Variants in BLMH observed in about 807,000 individuals in gnomAD.
BLMH encodes bleomycin hydrolase, also known as BLM hydrolase.
A neutral mutation model predicts 61.6 loss-of-function variants in BLMH; 32 were observed. The ratio of observed to expected loss-of-function variants is 0.52; its 90% CI spans 0.39 to 0.70. The LOEUF (loss-of-function observed/expected upper bound fraction) is 0.70, where lower values mean the gene tolerates loss of function less well. Ranked by LOEUF, BLMH falls within the 30% of genes least tolerant of loss-of-function variation. The pLI is 0.00. For missense variants in BLMH, 460 were observed against 555.5 expected, an observed-to-expected ratio of 0.83 and a Z score of 1.73; for synonymous variants, 183 against 193.8, an observed-to-expected ratio of 0.94 and a Z score of 0.46.
At chr17:30,265,091 T>C (rs1391576521) in intron 11 of BLMH, among the ~76,000 whole-genome samples, 1 of 152,072 alleles carries the variant, frequency 6.6e-6, no homozygotes, top group Non-Finnish European at 1.5e-5. Context: ...TCACAGAAGG[T>C]AGACATGTAA....
intron 6 of BLMH, among the ~76,000 whole-genome samples, chr17:30,284,484 A>G: frequency 6.6e-6 from 1 of 152,242 alleles, no homozygotes; most frequent in East Asian, 1.9e-4. Context: ...ACAGTCTTGA[A>G]AGGAAGCCTA....
chr17:30,285,296 T>A (rs563488306), intron 6 of BLMH, 92 bp downstream of exon 6: 8 of 870,182 alleles, frequency 9.2e-6, no homozygotes, highest in Non-Finnish European at 1.4e-5. Context: ...TTCGTTGCCA[T>A]GACTAAAGCT....
chr17:30,275,574 T>C (rs948811119), intron 6 of BLMH, among the ~76,000 whole-genome samples: 8 of 151,594 alleles, frequency 5.3e-5, no homozygotes, highest in Non-Finnish European at 1.0e-4. Flanking sequence ...TAATCCCAGC[T>C]ACTCGGGAGG....
chr17:30,262,703 G>A (rs1056402592), intron 11 of BLMH, among the ~76,000 whole-genome samples: 4 of 152,204 alleles, frequency 2.6e-5, no homozygotes, highest in Non-Finnish European at 4.4e-5. Flanking sequence ...GCTGAGGCAG[G>A]AGAATGGCGT....
intron 6 of BLMH, among the ~76,000 whole-genome samples, chr17:30,276,118 A>C (rs1908417869): frequency 6.6e-6 from 1 of 151,794 alleles, no homozygotes; most frequent in Admixed American, 6.6e-5. Context: ...CCACAATCTA[A>C]ACTGAGGTCA....
intron 6 of BLMH, among the ~76,000 whole-genome samples, chr17:30,279,542 A>C (rs571533460): frequency 6.6e-6 from 1 of 152,324 alleles, no homozygotes; most frequent in African/African-American, 2.4e-5. Context: ...TCCAAGCCCT[A>C]TTTCCAGTTT....
In BLMH at chr17:30,266,981, A is replaced by G. The variant is rs756203842; in HGVS notation, c.1147-27T>C. On this transcript the variant is annotated intron_variant, in intron 10 of 11. Coordinates refer to ENST00000261714, the MANE Select transcript of BLMH (RefSeq NM_000386.4). ...TGCAAAAAAGTGGATGATGGTGAGT[A>G]GTCTGAAGCCAGATTCTCCCTGCTG... 6.2e-6 allele frequency: 10 copies of G among 1,607,450 alleles called. No homozygotes were observed. In the South Asian group the frequency reaches 1.1e-4, roughly 18 times the overall value.
chr17:30,267,081 TACAGGCAGCCTGCTCTAA>T, intron 10 of BLMH, 127 bp from the exon 11 acceptor site: 1 of 698,476 alleles, frequency 1.4e-6, no homozygotes. Context: ...GCCTGCTCTA[TACAGGCAGCCTGCTCTAA>T]ACAGTACTTG....
intron 11 of BLMH, among the ~76,000 whole-genome samples, chr17:30,258,611 G>A (rs1002768955): frequency 4.6e-5 from 7 of 152,246 alleles, no homozygotes; most frequent in Admixed American, 3.3e-4. Context: ...CCTCTACTAA[G>A]GAGCCCAGAA....
chr17:30,262,215 T>C (rs550870372), intron 11 of BLMH, among the ~76,000 whole-genome samples: 1 of 152,362 alleles, frequency 6.6e-6, no homozygotes, highest in African/African-American at 2.4e-5. Context: ...TTAAGAACTA[T>C]ATTATGATAA....
intron 10 of BLMH, among the ~76,000 whole-genome samples, chr17:30,268,539 T>C (rs1292506680): frequency 6.6e-6 from 1 of 152,060 alleles, no homozygotes; most frequent in Non-Finnish European, 1.5e-5. Flanking sequence ...CATTAGCATG[T>C]AAGGTAGCTC....
At position 30,281,505 on chromosome 17, in the gene BLMH, T is replaced by C. The variant is rs930070963; in HGVS notation, c.645+3883A>G. On this transcript the variant is annotated intron_variant, in intron 6 of 11. Coordinates refer to ENST00000261714, the MANE Select transcript of BLMH (RefSeq NM_000386.4). ...CTCATTCACACCTGCTACCCTTTTCTACACATTGGTTCCCTCACACTGCCC... is the reference window on the plus strand; with the variant it reads ...CTCATTCACACCTGCTACCCTTTTCCACACATTGGTTCCCTCACACTGCCC... 2.4e-4 allele frequency among the ~76,000 whole-genome samples: 37 copies of C among 152,320 alleles called. 5 individuals carry two copies. The highest frequency in any genetic ancestry group is 1.5e-3 in the Admixed American group (23 of 15,288).
intron 11 of BLMH, among the ~76,000 whole-genome samples, chr17:30,262,842 T>TAAA (rs1907999261): frequency 3.3e-5 from 5 of 152,140 alleles, no homozygotes; most frequent in African/African-American, 1.2e-4. Flanking sequence ...AATAACCTTA[T>TAAA]TATAAAGCAG....
intron 11 of BLMH, among the ~76,000 whole-genome samples, chr17:30,262,483 C>A (rs1907983742): frequency 6.6e-6 from 1 of 151,976 alleles, no homozygotes; most frequent in Non-Finnish European, 1.5e-5. Context: ...TAAAATTGTC[C>A]AAGATAAAAA....
At chr17:30,284,017 C>T (rs950017005) in intron 6 of BLMH, among the ~76,000 whole-genome samples, 6 of 152,168 alleles carry the variant, frequency 3.9e-5, no homozygotes, top group African/African-American at 1.4e-4. Flanking sequence ...CAGATCCTGA[C>T]TGAATCTCAG....
intron 8 of BLMH, 34 bp from the exon 9 acceptor site, chr17:30,272,662 T>C (rs771205635): frequency 1.2e-6 from 2 of 1,614,140 alleles, no homozygotes; most frequent in Admixed American, 3.3e-5. Context: ...AAAGTCAACA[T>C]AAACCCCATC....
At chr17:30,253,593 T>C (rs1907729600) in intron 11 of BLMH, among the ~76,000 whole-genome samples, 1 of 152,194 alleles carries the variant, frequency 6.6e-6, no homozygotes, top group Non-Finnish European at 1.5e-5. Context: ...TCAGGCAGGA[T>C]TCGGCTGGCC....
intron 5 of BLMH, among the ~76,000 whole-genome samples, chr17:30,286,529 C>G (rs1484663221): frequency 6.6e-6 from 1 of 152,220 alleles, no homozygotes; most frequent in African/African-American, 2.4e-5. Context: ...ACCCTGTGTG[C>G]TTGTGGCCAA....
At chr17:30,282,767 G>T (rs1908627468) in intron 6 of BLMH, among the ~76,000 whole-genome samples, 1 of 152,182 alleles carries the variant, frequency 6.6e-6, no homozygotes, top group African/African-American at 2.4e-5. Context: ...ACAAATCATA[G>T]GTACTAATTT....
Sources: gnomAD v4.1 joint callset for allele counts (sites outside exome capture counted in the v4.1 genomes callset) on GRCh38, gnomAD v4.1.1 for gene constraint, MANE v1.5 for transcripts, NCBI Gene and HGNC (gene_info 2026-07-23, HGNC 2026-07-21) for gene names.